The following SYNDIG1 variants were observed in gnomAD, a reference collection of about 807,000 sequenced individuals.
SYNDIG1 encodes synapse differentiation-inducing gene protein 1.
A neutral mutation model predicts 19.4 loss-of-function variants in SYNDIG1; 9 were observed. The observed-to-expected ratio is 0.46, with a 90% CI of 0.28 to 0.81. SYNDIG1 has a LOEUF of 0.81. Ranked by LOEUF, SYNDIG1 falls within the 30% of genes least tolerant of loss-of-function variation. The probability of loss-of-function intolerance (pLI) is 0.12; values close to 1 mark genes in which losing one functional copy is unlikely to be tolerated. For missense variants in SYNDIG1, 311 were observed against 343.3 expected, an observed-to-expected ratio of 0.91 and a Z score of 0.74; for synonymous variants, 141 against 145.9, an observed-to-expected ratio of 0.97 and a Z score of 0.24.
chr20:24,665,865 A>AT lies in SYNDIG1; in HGVS notation c.*367dup, dbSNP rs1203304668. On this transcript the variant is annotated 3_prime_UTR_variant, in exon 4 of 4. Coordinates refer to ENST00000376862, the MANE Select transcript of SYNDIG1 (RefSeq NM_024893.3). Reference sequence around the variant, plus strand: ...ATACAAACAGTCCAAAAAAGTGTTTATTTTTTATGGAATACGGTGCAATAG... The same window carrying AT: ...ATACAAACAGTCCAAAAAAGTGTTTATTTTTTTATGGAATACGGTGCAATAG... 3 of 238,842 alleles carry AT rather than the reference A, an allele frequency of 1.3e-5. No individual in the cohort carries two copies. The highest frequency in any genetic ancestry group is 1.3e-4 in the East Asian group (1 of 7,658). 14.8% of individuals were successfully genotyped at this position (238,842 alleles called of 1,614,324 possible).
At chr20:24,527,060 C>T (rs144193177) in intron 1 of SYNDIG1, among the ~76,000 whole-genome samples, 17 of 152,300 alleles carry the variant, frequency 1.1e-4, no homozygotes, top group Non-Finnish European at 2.5e-4. Context: ...GAACATTTCA[C>T]AGGTAGCGTC....
intron 3 of SYNDIG1, among the ~76,000 whole-genome samples, chr20:24,589,563 G>A (rs1023637954): frequency 3.3e-5 from 5 of 152,210 alleles, no homozygotes; most frequent in African/African-American, 4.8e-5. Flanking sequence ...GGGGGCAGCC[G>A]GGGACCAAAG....
intron 3 of SYNDIG1, among the ~76,000 whole-genome samples, chr20:24,662,180 G>A (rs1223543396): frequency 2.0e-5 from 3 of 151,640 alleles, no homozygotes; most frequent in Non-Finnish European, 4.4e-5. Flanking sequence ...GCTAAAGCAC[G>A]TTTGTTCTGG....
At chr20:24,476,527 G>A (rs1396821136) in intron 1 of SYNDIG1, among the ~76,000 whole-genome samples, 3 of 151,904 alleles carry the variant, frequency 2.0e-5, no homozygotes, top group African/African-American at 7.3e-5. Flanking sequence ...AAAATTAGCC[G>A]GACGTGGTGG....
chr20:24,509,860 G>T (rs1262674802), intron 1 of SYNDIG1, among the ~76,000 whole-genome samples: 2 of 152,196 alleles, frequency 1.3e-5, no homozygotes, highest in Non-Finnish European at 2.9e-5. Flanking sequence ...AATGTTGGAG[G>T]TAGGGCCTTG....
chr20:24,547,510 A>G, intron 2 of SYNDIG1, among the ~76,000 whole-genome samples: 1 of 151,596 alleles, frequency 6.6e-6, no homozygotes, highest in Non-Finnish European at 1.5e-5. Context: ...GATGTAGGGG[A>G]CCTCTGGGGC....
rs568130194 is a variant in SYNDIG1, at chr20:24,658,041, CG to C, written c.619-7303del. ...TGAGGACCCCCAGCTGTGCTGGCCCCGGTCCATGGATGACGGGGACTGTGGA... is the reference window on the plus strand; with the variant it reads ...TGAGGACCCCCAGCTGTGCTGGCCCCGTCCATGGATGACGGGGACTGTGGA... On this transcript the variant is annotated intron_variant, in intron 3 of 3. Coordinates refer to ENST00000376862, the MANE Select transcript of SYNDIG1 (RefSeq NM_024893.3). This position sits in a 1 kb window ranked among gnomAD's most constrained non-coding sequence, Gnocchi z 4.4. Among the ~76,000 whole-genome samples, 14 of 152,172 alleles carry C rather than the reference CG, an allele frequency of 9.2e-5. No individual in the cohort carries two copies. The highest frequency in any genetic ancestry group is 2.4e-4 in the African/African-American group (10 of 41,500).
chr20:24,524,560 G>C (rs919590475), intron 1 of SYNDIG1, among the ~76,000 whole-genome samples: 1 of 151,924 alleles, frequency 6.6e-6, no homozygotes, highest in Non-Finnish European at 1.5e-5. Context: ...GCAGGAGAAC[G>C]GCGTGAACCC....
intron 1 of SYNDIG1, among the ~76,000 whole-genome samples, chr20:24,536,132 G>T (rs758277044): frequency 1.2e-4 from 19 of 152,206 alleles, no homozygotes; most frequent in Non-Finnish European, 2.4e-4. Flanking sequence ...GTGCAGCCGC[G>T]ATGACTTGTC....
chr20:24,548,472 T>C (rs983666265), intron 2 of SYNDIG1, among the ~76,000 whole-genome samples: 7 of 152,184 alleles, frequency 4.6e-5, no homozygotes, highest in Non-Finnish European at 1.0e-4. Flanking sequence ...GCACTTTACA[T>C]ATACCTCAGT....
chr20:24,558,378 T>G (rs765415458), intron 2 of SYNDIG1, among the ~76,000 whole-genome samples: 9 of 152,248 alleles, frequency 5.9e-5, no homozygotes, highest in Non-Finnish European at 1.0e-4. Flanking sequence ...CTTTCTTAAT[T>G]ATTATTGTTT....
intron 3 of SYNDIG1, among the ~76,000 whole-genome samples, chr20:24,626,787 T>C (rs1202039167): frequency 3.9e-5 from 6 of 152,180 alleles, no homozygotes; most frequent in Non-Finnish European, 7.4e-5. Flanking sequence ...CTGGGCACCA[T>C]TGAGCACTGA....
At position 24,571,881 on chromosome 20, in the gene SYNDIG1, A is replaced by G. The variant is rs551414170; in HGVS notation, c.481-12975A>G. 4.7e-4 allele frequency among the ~76,000 whole-genome samples: 71 copies of G among 152,232 alleles called. 1 individual carries two copies. The highest frequency in any genetic ancestry group is 7.6e-4 in the Non-Finnish European group (52 of 68,042). ...AAAGCCTGAAACTTACATTTGTTTTATCTGAGCTCCTTCTTCAAGAGAGGA... is the reference window on the plus strand; with the variant it reads ...AAAGCCTGAAACTTACATTTGTTTTGTCTGAGCTCCTTCTTCAAGAGAGGA... On this transcript the variant is annotated intron_variant, in intron 2 of 3. Transcript: ENST00000376862.
At chr20:24,473,001 C>T (rs2055514166) in intron 1 of SYNDIG1, among the ~76,000 whole-genome samples, 1 of 152,160 alleles carries the variant, frequency 6.6e-6, no homozygotes, top group African/African-American at 2.4e-5. Context: ...CCAGCTTGAC[C>T]CTGTGCCCCT....
chr20:24,471,273 G>A (rs1171078386), intron 1 of SYNDIG1, among the ~76,000 whole-genome samples: 1 of 152,112 alleles, frequency 6.6e-6, no homozygotes, highest in Non-Finnish European at 1.5e-5. Context: ...GGCAGCAGCC[G>A]AAGTGAAAAG....
intron 3 of SYNDIG1, among the ~76,000 whole-genome samples, chr20:24,622,926 CTG>C (rs2059061292): frequency 6.6e-6 from 1 of 152,152 alleles, no homozygotes; most frequent in Admixed American, 6.5e-5. Flanking sequence ...GAGATATATC[CTG>C]TTTAAACCAT....
chr20:24,593,810 G>A (rs2058551931), intron 3 of SYNDIG1, among the ~76,000 whole-genome samples: 2 of 151,918 alleles, frequency 1.3e-5, no homozygotes, highest in African/African-American at 4.8e-5. Context: ...TTTTTCATAT[G>A]GTTGTTGGCT....
intron 3 of SYNDIG1, among the ~76,000 whole-genome samples, chr20:24,590,652 G>T (rs1483255420): frequency 1.3e-5 from 2 of 152,100 alleles, no homozygotes; most frequent in African/African-American, 4.8e-5. Flanking sequence ...AGGGAGGGAT[G>T]CCCTGGACCA....
intron 3 of SYNDIG1, 24 bp from the exon 4 acceptor site, chr20:24,665,308 GCTTACAATGACTTC>G (rs764713685): frequency 6.4e-7 from 1 of 1,573,118 alleles, no homozygotes; most frequent in Non-Finnish European, 8.6e-7. Context: ...GTTCCGACTT[GCTTACAATGACTTC>G]CTTTTTCTTC....
Sources: allele counts gnomAD v4.1 joint callset (sites outside exome capture counted in the v4.1 genomes callset), GRCh38; gene constraint gnomAD v4.1.1; non-coding constraint Gnocchi (gnomAD v3.1); transcripts MANE v1.5; gene names NCBI Gene and HGNC (gene_info 2026-07-23, HGNC 2026-07-21).